TMTC2: variants seen among roughly 807,000 people sequenced by gnomAD.
TMTC2 encodes the protein transmembrane O-mannosyltransferase targeting cadherins 2.
Under a neutral mutation model 82.4 loss-of-function variants are expected in TMTC2, and 43 were observed. The observed-to-expected ratio is 0.52, with a 90% confidence interval of 0.41 to 0.67. The LOEUF (loss-of-function observed/expected upper bound fraction) is 0.67, where lower values mean the gene tolerates loss of function less well. Among genes scored for constraint, TMTC2 ranks in the 30% least tolerant of loss-of-function variants. The pLI is 0.00. For missense variants in TMTC2, 919 were observed against 1,012.4 expected (o/e 0.91, Z 1.25); for synonymous variants, 408 against 381.9 (o/e 1.07, Z -0.80).
At chr12:82,946,631 G>C (rs75291394) in intron 4 of TMTC2, among the ~76,000 whole-genome samples, 1 of 152,264 alleles carries the variant, frequency 6.6e-6, no homozygotes, top group African/African-American at 2.4e-5. Context: ...TAATAAGGAG[G>C]ACAGTGTGAG....
intron 11 of TMTC2, among the ~76,000 whole-genome samples, chr12:83,119,393 T>G (rs548692990): frequency 6.6e-6 from 1 of 152,338 alleles, no homozygotes; most frequent in African/African-American, 2.4e-5. Flanking sequence ...CTTTATTTCA[T>G]TTTTAACTCA....
At chr12:82,730,635 T>C (rs770521719) in intron 1 of TMTC2, among the ~76,000 whole-genome samples, 27 of 152,216 alleles carry the variant, frequency 1.8e-4, no homozygotes, top group Non-Finnish European at 3.4e-4. Context: ...ATATTTTTAT[T>C]GAAGACACTA....
chr12:82,799,708 T>C lies in TMTC2; in HGVS notation c.84-57302T>C, dbSNP rs565087680. ...GCCTTCATCTTCACATAGTATTCTCTCTGCATGTGTGTCTGTGTCCACATT... is the reference window on the plus strand; with the variant it reads ...GCCTTCATCTTCACATAGTATTCTCCCTGCATGTGTGTCTGTGTCCACATT... On this transcript the variant is annotated intron_variant, in intron 1 of 11. Transcript: ENST00000321196. 2.6e-5 allele frequency among the ~76,000 whole-genome samples: 4 copies of C among 152,276 alleles called. No homozygotes were observed. The East Asian group carries it at 7.7e-4, about 29-fold the overall frequency.
At position 82,719,083 on chromosome 12, in the gene TMTC2, A is replaced by ATTTT. The variant is rs1480822241; in HGVS notation, c.83+31415_83+31416insTTTT. Among the ~76,000 whole-genome samples the ATTTT allele has an allele frequency of 1.8e-3, 99 of 53,780 alleles. 2 individuals carry two copies. The highest frequency in any genetic ancestry group is 4.1e-3 in the African/African-American group (50 of 12,320). The allele number at this position is 53,780 out of a possible 152,430, so 35.3% of individuals were successfully genotyped here. A position where few individuals can be genotyped will look rare whatever the true frequency, so the allele number is the denominator to read the frequency against. ...TTTATATATATATATATATATATAT[A>ATTTT]TATTTTTTTTTTTTTTTTTTTTTTT... On this transcript the variant is annotated intron_variant, in intron 1 of 11. Coordinates refer to ENST00000321196, the MANE Select transcript of TMTC2 (RefSeq NM_152588.3).
intron 8 of TMTC2, among the ~76,000 whole-genome samples, chr12:82,990,316 T>C (rs1879346748): frequency 1.3e-5 from 2 of 152,190 alleles, no homozygotes; most frequent in African/African-American, 4.8e-5. Flanking sequence ...ATTAGTACTT[T>C]TATTACAGTC....
chr12:82,958,472 G>T (rs1194928424), intron 4 of TMTC2, among the ~76,000 whole-genome samples: 1 of 151,280 alleles, frequency 6.6e-6, no homozygotes, highest in Non-Finnish European at 1.5e-5. Context: ...ACATTAAAAA[G>T]GTAAGTCGCC....
chr12:82,883,112 C>T (rs1197816180), intron 2 of TMTC2, among the ~76,000 whole-genome samples: 1 of 150,036 alleles, frequency 6.7e-6, no homozygotes, highest in African/African-American at 2.4e-5. Flanking sequence ...CTCAGTTGCC[C>T]AGTCAAGCAA....
chr12:82,849,849 T>G (rs944336338), intron 1 of TMTC2, among the ~76,000 whole-genome samples: 20 of 152,092 alleles, frequency 1.3e-4, no homozygotes, highest in African/African-American at 4.8e-4. Flanking sequence ...TTGATTTTGG[T>G]TCTTTTATTT....
At chr12:82,798,338 G>A (rs1429525269) in intron 1 of TMTC2, among the ~76,000 whole-genome samples, 5 of 150,558 alleles carry the variant, frequency 3.3e-5, no homozygotes, top group African/African-American at 4.8e-5. Context: ...TTGGGAGGCC[G>A]AGGCCGGTGG....
At chr12:82,965,774 C>A (rs774608879) in intron 6 of TMTC2, 30 bp downstream of exon 6, 1 of 1,611,848 alleles carries the variant, frequency 6.2e-7, no homozygotes, top group Non-Finnish European at 8.5e-7. Flanking sequence ...GTCCTTTTCC[C>A]TCCCCCTTGT....
rs372436694 is a variant in TMTC2 at position 82,951,355 on chromosome 12, A to G, written c.1599-13669A>G. ...CGCTAGGCTGGAGTGCAGTGGCACA[A>G]TCTCGGCTCACTGCAATCTCCACTT... On this transcript the variant is annotated intron_variant, in intron 4 of 11. Coordinates refer to ENST00000321196, the MANE Select transcript of TMTC2 (RefSeq NM_152588.3). Among the ~76,000 whole-genome samples the G allele has an allele frequency of 4.6e-5, 7 of 152,252 alleles. No individual in the cohort carries two copies. In the South Asian group the frequency reaches 1.5e-3, roughly 32 times the overall value.
At chr12:82,786,402 T>A (rs1480916284) in intron 1 of TMTC2, among the ~76,000 whole-genome samples, 1 of 152,230 alleles carries the variant, frequency 6.6e-6, no homozygotes, top group East Asian at 1.9e-4. Context: ...TAAATTGTAA[T>A]GGCTCTCACC....
In TMTC2 at chr12:82,740,632, G is replaced by C. The variant is rs148093967; in HGVS notation, c.83+52963G>C. ...TGCTGGGATTCTCTAACCACAGCTC[G>C]CCTGAAGTATTTTGCCTTTCCCTCT... is the stretch of plus-strand genomic sequence containing the variant. On this transcript the variant is annotated intron_variant, in intron 1 of 11. Coordinates refer to ENST00000321196, the MANE Select transcript of TMTC2 (RefSeq NM_152588.3). Among the ~76,000 whole-genome samples the C allele has an allele frequency of 4.0e-3, 604 of 152,220 alleles. 3 individuals are homozygous for C. Among genetic ancestry groups the C allele is most frequent in the Non-Finnish European group, 6.4e-3 (436 of 68,020 alleles).
intron 1 of TMTC2, among the ~76,000 whole-genome samples, chr12:82,715,996 A>T (rs1222383912): frequency 6.6e-6 from 1 of 152,188 alleles, no homozygotes; most frequent in Non-Finnish European, 1.5e-5. Flanking sequence ...GAAGTAGTGT[A>T]TTAGATCATC....
intron 1 of TMTC2, among the ~76,000 whole-genome samples, chr12:82,805,321 T>A (rs10778911): frequency 0.26 from 39,293 of 151,910 alleles, 6,357 homozygotes; most frequent in African/African-American, 0.45. Context: ...CATAAAGTAC[T>A]TTGATTTCTT....
intron 2 of TMTC2, among the ~76,000 whole-genome samples, chr12:82,858,722 T>G (rs947735757): frequency 1.3e-5 from 2 of 152,086 alleles, no homozygotes; most frequent in Non-Finnish European, 1.5e-5. Context: ...ACCTTTTCAC[T>G]TAGAGTATTA....
intron 1 of TMTC2, among the ~76,000 whole-genome samples, chr12:82,812,156 G>A (rs767964614): frequency 5.3e-5 from 8 of 152,092 alleles, no homozygotes; most frequent in South Asian, 2.1e-4. Context: ...TTAAGAGAAT[G>A]CTAGTACCAT....
At chr12:82,817,301 GT>G (rs1479037297) in intron 1 of TMTC2, among the ~76,000 whole-genome samples, 1 of 151,948 alleles carries the variant, frequency 6.6e-6, no homozygotes, top group Non-Finnish European at 1.5e-5. Context: ...AAGTCTATTG[GT>G]TTTTGTTTTT....
chr12:82,828,067 AT>A (rs1869527500), intron 1 of TMTC2, among the ~76,000 whole-genome samples: 2 of 151,344 alleles, frequency 1.3e-5, no homozygotes, highest in Admixed American at 1.3e-4. Flanking sequence ...TAATTTTTGT[AT>A]TTTTAGTAGA....
Sources: allele counts gnomAD v4.1 joint callset (sites outside exome capture counted in the v4.1 genomes callset), GRCh38; gene constraint gnomAD v4.1.1; transcripts MANE v1.5; gene names NCBI Gene and HGNC (gene_info 2026-07-23, HGNC 2026-07-21).